The following ADARB2 variants were observed in gnomAD, a reference collection of about 807,000 sequenced individuals.
The protein encoded by ADARB2 is adenosine deaminase RNA specific B2 (inactive).
A neutral mutation model predicts 62.2 loss-of-function variants in ADARB2; 25 were observed. The ratio of observed to expected loss-of-function variants is 0.40; its 90% CI spans 0.29 to 0.56. The LOEUF is 0.56. ADARB2 is among the 20% of genes least tolerant of loss of function. ADARB2 has a pLI of 0.43. For synonymous variants in ADARB2, 572 were observed against 500.8 expected (o/e 1.14, Z -1.90); for missense variants, 1,071 against 1,077.4 (o/e 0.99, Z 0.08).
At chr10:1,347,758 G>C (rs547623030) in intron 3 of ADARB2, among the ~76,000 whole-genome samples, 1 of 152,178 alleles carries the variant, frequency 6.6e-6, no homozygotes, top group African/African-American at 2.4e-5. Context: ...TGGACCCCAC[G>C]TACGCAGTGC....
intron 1 of ADARB2, among the ~76,000 whole-genome samples, chr10:1,467,494 T>A (rs1831267751): frequency 6.6e-6 from 1 of 152,196 alleles, no homozygotes; most frequent in Non-Finnish European, 1.5e-5. Context: ...ATTTCTGGGC[T>A]GTGTTGATGC....
At chr10:1,718,016 T>C (rs375340608) in intron 1 of ADARB2, among the ~76,000 whole-genome samples, 36 of 151,808 alleles carry the variant, frequency 2.4e-4, no homozygotes, top group South Asian at 1.7e-3. Context: ...CACATCAAAC[T>C]CACAAGCCTA....
chr10:1,262,319 T>TAATAATAATAATAATA (rs1208834714), intron 4 of ADARB2, among the ~76,000 whole-genome samples: 1 of 138,570 alleles, frequency 7.2e-6, no homozygotes, highest in Non-Finnish European at 1.5e-5. Flanking sequence ...ATAATAATAA[T>TAATAATAATAATAATA]AAAAGAAACC....
chr10:1,206,615 T>A (rs910955397), intron 7 of ADARB2, among the ~76,000 whole-genome samples: 1 of 152,226 alleles, frequency 6.6e-6, no homozygotes, highest in South Asian at 2.1e-4. Flanking sequence ...CACTTTTCAC[T>A]CAGCCCGGGG....
chr10:1,253,535 T>A (rs1370721691), intron 4 of ADARB2, among the ~76,000 whole-genome samples: 11 of 152,362 alleles, frequency 7.2e-5, no homozygotes, highest in Non-Finnish European at 5.9e-5. Context: ...CATCCATTCA[T>A]TCAGTGGGCA....
intron 3 of ADARB2, chr10:1,293,011 AGGGAG>A (rs1831483548): frequency 2.1e-5 from 1 of 46,578 alleles, no homozygotes; most frequent in African/African-American, 7.9e-5. Context: ...GGAAGGAGAG[AGGGAG>A]GGGAGAGAGA....
intron 1 of ADARB2, among the ~76,000 whole-genome samples, chr10:1,678,646 G>A (rs12781572): frequency 0.1 from 15,854 of 152,102 alleles, 1,034 homozygotes; most frequent in Non-Finnish European, 0.15. Context: ...GGTATGGTTA[G>A]CAAGCTGCCG....
At chr10:1,276,354 G>C (rs1248883622) in intron 3 of ADARB2, among the ~76,000 whole-genome samples, 1 of 152,080 alleles carries the variant, frequency 6.6e-6, no homozygotes, top group African/African-American at 2.4e-5. Flanking sequence ...TGATGGGGCT[G>C]TTTGTTTTTT....
rs371422875 is a variant in ADARB2 at position 1,694,444 on chromosome 10, TCTTA to T, written c.100+42603_100+42606del. 1.2e-3 allele frequency among the ~76,000 whole-genome samples: 176 copies of T among 152,304 alleles called. 1 individual carries two copies. The highest frequency in any genetic ancestry group is 8.5e-3 in the East Asian group (44 of 5,166). On this transcript the variant is annotated intron_variant, in intron 1 of 9. Coordinates refer to ENST00000381312, the MANE Select transcript of ADARB2 (RefSeq NM_018702.4). The stretch of plus-strand genomic sequence containing the variant: ...TATAAGCTGGACACTGATTTTTCAC[TCTTA>T]CTTAGTCTTAATTGAACACAAATCA...
At chr10:1,351,756 T>C (rs572171917) in intron 3 of ADARB2, among the ~76,000 whole-genome samples, 6 of 151,788 alleles carry the variant, frequency 4.0e-5, no homozygotes, top group South Asian at 4.2e-4. Context: ...AGGATTAAAG[T>C]CTGTTATCAC....
At chr10:1,683,540 G>A (rs973530356) in intron 1 of ADARB2, among the ~76,000 whole-genome samples, 10 of 152,176 alleles carry the variant, frequency 6.6e-5, no homozygotes, top group African/African-American at 2.4e-5. Context: ...AGCAGGGAGT[G>A]GAGTCTGTTT....
At chr10:1,349,613 T>TC (rs1040948054) in intron 3 of ADARB2, among the ~76,000 whole-genome samples, 3 of 152,084 alleles carry the variant, frequency 2.0e-5, no homozygotes, top group African/African-American at 7.2e-5. Flanking sequence ...TCCCTCACTA[T>TC]CCCTCAACCT....
chr10:1,551,279 C>A (rs767703103), intron 1 of ADARB2, among the ~76,000 whole-genome samples: 1 of 152,264 alleles, frequency 6.6e-6, no homozygotes, highest in South Asian at 2.1e-4. Context: ...ACTGTGACAA[C>A]GTGAATGTCT....
intron 1 of ADARB2, among the ~76,000 whole-genome samples, chr10:1,598,595 C>G (rs771500148): frequency 1.3e-5 from 2 of 152,246 alleles, no homozygotes; most frequent in African/African-American, 2.4e-5. Context: ...AGTCCTGATG[C>G]TGAGCTACAC....
At chr10:1,262,031 C>G (rs1163155093) in intron 4 of ADARB2, among the ~76,000 whole-genome samples, 1 of 147,050 alleles carries the variant, frequency 6.8e-6, no homozygotes, top group Non-Finnish European at 1.5e-5. Flanking sequence ...TCTCAGTAAA[C>G]TATCGCAAGA....
intron 4 of ADARB2, among the ~76,000 whole-genome samples, chr10:1,260,717 G>A (rs1345356353): frequency 6.8e-6 from 1 of 146,188 alleles, no homozygotes; most frequent in Non-Finnish European, 1.5e-5. Context: ...TGTGAAAATG[G>A]CCATACTGCC....
At chr10:1,355,127 G>A (rs562613047) in intron 3 of ADARB2, among the ~76,000 whole-genome samples, 3 of 152,302 alleles carry the variant, frequency 2.0e-5, no homozygotes, top group South Asian at 4.1e-4. Flanking sequence ...CCACACAGTC[G>A]GGCTCTGCAG....
chr10:1,320,909 G>A (rs1831789306), intron 3 of ADARB2, among the ~76,000 whole-genome samples: 2 of 152,332 alleles, frequency 1.3e-5, no homozygotes, highest in South Asian at 4.1e-4. Context: ...TATTGTAATT[G>A]TAAACAGAAA....
At chr10:1,444,733 TATCC>T (rs973317194) in intron 1 of ADARB2, among the ~76,000 whole-genome samples, 8 of 132,562 alleles carry the variant, frequency 6.0e-5, no homozygotes, top group African/African-American at 1.4e-4. Flanking sequence ...TCCATCTATC[TATCC>T]ATCCATCCAT....
Sources: allele counts gnomAD v4.1 joint callset (sites outside exome capture counted in the v4.1 genomes callset), GRCh38; gene constraint gnomAD v4.1.1; transcripts MANE v1.5; gene names NCBI Gene and HGNC (gene_info 2026-07-23, HGNC 2026-07-21).